Variants in SLC35F4 observed in about 807,000 individuals in gnomAD.
SLC35F4 encodes solute carrier family 35 member F4.
A neutral mutation model predicts 44.2 loss-of-function variants in SLC35F4; 24 were observed. The ratio of observed to expected loss-of-function variants is 0.54; its 90% CI spans 0.39 to 0.76. The LOEUF (loss-of-function observed/expected upper bound fraction) is 0.76. Among genes scored for constraint, SLC35F4 ranks in the 30% least tolerant of loss-of-function variants. SLC35F4 has a pLI of 0.00. For synonymous variants in SLC35F4, 238 were observed against 223.6 expected, an observed-to-expected ratio of 1.06 and a Z score of -0.57; for missense variants, 562 against 586.1, an observed-to-expected ratio of 0.96 and a Z score of 0.42.
intron 1 of SLC35F4, among the ~76,000 whole-genome samples, chr14:57,711,132 G>A (rs1171612797): frequency 6.6e-6 from 1 of 152,054 alleles, no homozygotes; most frequent in Admixed American, 6.5e-5. Flanking sequence ...TGGATCATGG[G>A]GTGGTTTCCC....
intron 1 of SLC35F4, among the ~76,000 whole-genome samples, chr14:57,937,064 C>CTTGCTT (rs1555329412): frequency 8.3e-5 from 12 of 144,214 alleles, no homozygotes; most frequent in Non-Finnish European, 1.7e-4. Flanking sequence ...ATTTTACCTG[C>CTTGCTT]TTTTTTTTTT....
At chr14:57,870,761 T>C (rs1333777928), upstream of SLC35F4, among the ~76,000 whole-genome samples, 1 of 152,218 alleles carries the variant, frequency 6.6e-6, no homozygotes, top group East Asian at 1.9e-4. Context: ...CTGTCCATTG[T>C]TTTTTACTGA....
chr14:57,975,611 A>G (rs1881192770), downstream of SLC35F4, among the ~76,000 whole-genome samples: 1 of 152,198 alleles, frequency 6.6e-6, no homozygotes, highest in Non-Finnish European at 1.5e-5. Context: ...AAAAATGGAA[A>G]TGTAGAATGG....
At chr14:57,733,196 C>CGAG (rs2076382979) in intron 1 of SLC35F4, among the ~76,000 whole-genome samples, 1 of 152,030 alleles carries the variant, frequency 6.6e-6, no homozygotes, top group African/African-American at 2.4e-5. Flanking sequence ...CACTAGCTCT[C>CGAG]CGGCCTACTG....
intron 1 of SLC35F4, among the ~76,000 whole-genome samples, chr14:57,862,218 C>G (rs73293107): frequency 6.6e-6 from 1 of 151,958 alleles, no homozygotes; most frequent in Non-Finnish European, 1.5e-5. Flanking sequence ...ATCAGGGTAC[C>G]CTATTGGCTC....
At chr14:57,925,606 C>T (rs1889555029) in intron 1 of SLC35F4, among the ~76,000 whole-genome samples, 1 of 146,370 alleles carries the variant, frequency 6.8e-6, no homozygotes, top group South Asian at 2.2e-4. Context: ...TAGAGAAACA[C>T]TTAAGTAGAA....
In SLC35F4 at chr14:57,589,306, G is replaced by A. The variant is rs1594964924; in HGVS notation, c.497C>T (p.Ser166Leu). ...FYCPFFMTWF[S>L]TNWNIMFFPV... ...GAAAAACATAATGTTCCAGTTTGTT[G>A]AAAACCAAGTCATGAAAAATGGGCA... The change falls in exon 3 of 8, where the codon TCA becomes TTA. Residue 166 changes from serine (S) to leucine (L), a missense_variant. Transcript: ENST00000556826. 1.2e-6 allele frequency: 2 copies of A among 1,613,954 alleles called. No homozygotes were observed. The highest frequency in any genetic ancestry group is 1.7e-6 in the Non-Finnish European group (2 of 1,179,870).
intron 1 of SLC35F4, among the ~76,000 whole-genome samples, chr14:57,916,163 G>A (rs1293692577): frequency 6.6e-6 from 1 of 152,102 alleles, no homozygotes; most frequent in Non-Finnish European, 1.5e-5. Flanking sequence ...GGGGAAGCAG[G>A]GATGAAAGAC....
At chr14:57,632,823 C>T (rs1214327753) in intron 1 of SLC35F4, among the ~76,000 whole-genome samples, 1 of 152,000 alleles carries the variant, frequency 6.6e-6, no homozygotes, top group African/African-American at 2.4e-5. Flanking sequence ...ATGTATCCAC[C>T]ATTGGAGTAT....
chr14:57,929,101 C>T (rs1166089432), intron 1 of SLC35F4, among the ~76,000 whole-genome samples: 2 of 152,128 alleles, frequency 1.3e-5, no homozygotes, highest in Admixed American at 1.3e-4. Context: ...AGATTGTGAA[C>T]CCCTGCAAGG....
chr14:57,848,874 C>T (rs1886271993), intron 1 of SLC35F4, among the ~76,000 whole-genome samples: 1 of 152,150 alleles, frequency 6.6e-6, no homozygotes, highest in Non-Finnish European at 1.5e-5. Context: ...ACCTTGGTTA[C>T]TTCATATTGT....
In SLC35F4 at chr14:57,578,325, G is replaced by GTTTTTTTTTTTTT. The variant is rs199785589; in HGVS notation, c.807+2876_807+2888dup. 1.5e-3 allele frequency among the ~76,000 whole-genome samples: 64 copies of GTTTTTTTTTTTTT among 43,166 alleles called. 21 individuals are homozygous for GTTTTTTTTTTTTT. Among genetic ancestry groups the GTTTTTTTTTTTTT allele is most frequent in the Non-Finnish European group, 2.3e-3 (49 of 21,764 alleles). The allele number at this position is 43,166 out of a possible 152,430, so 28.3% of individuals were successfully genotyped here. ...GATGACTGAAAGCATCCCTTTAACTGTTTTTTTTTTTTTTTTTTTTTTTTT... is the reference window on the plus strand; with the variant it reads ...GATGACTGAAAGCATCCCTTTAACTGTTTTTTTTTTTTTTTTTTTTTTTTTTTTTTTTTTTTTT... On this transcript the variant is annotated intron_variant, in intron 4 of 7. Transcript: ENST00000556826.
chr14:57,963,263 G>A (rs1360930171), intron 1 of SLC35F4, among the ~76,000 whole-genome samples: 5 of 152,194 alleles, frequency 3.3e-5, no homozygotes, highest in East Asian at 1.9e-4. Flanking sequence ...GCCTCCAGCA[G>A]GTCAGGTGCT....
rs550071290 is a variant in SLC35F4 at position 57,904,609 on chromosome 14, T to C, written n.282+77304A>G. Among the ~76,000 whole-genome samples the C allele has an allele frequency of 3.9e-5, 6 of 152,302 alleles. No individual in the cohort carries two copies. In the East Asian group the frequency reaches 1.2e-3, roughly 29 times the overall value. On this transcript the variant is annotated intron_variant and non_coding_transcript_variant, in intron 1 of 1. Coordinates refer to the SLC35F4 transcript ENST00000556568. ...GTGGGCTTTGGATCTCTTTGCCTTT[T>C]TGTAGGTTGACACTATTAGGATTTT...
chr14:57,900,216 A>G (rs2783232), intron 1 of SLC35F4, among the ~76,000 whole-genome samples: 30,268 of 152,126 alleles, frequency 0.2, 3,248 homozygotes, highest in South Asian at 0.24. Context: ...GGGACCCAGG[A>G]AGTCCAGCTG....
intron 1 of SLC35F4, among the ~76,000 whole-genome samples, chr14:57,875,786 G>C (rs981093052): frequency 5.3e-5 from 8 of 152,188 alleles, no homozygotes. Context: ...GTGGAGAAAT[G>C]GATTCTGCCT....
At chr14:57,910,249 T>C (rs1407691484) in intron 1 of SLC35F4, among the ~76,000 whole-genome samples, 6 of 152,090 alleles carry the variant, frequency 3.9e-5, no homozygotes, top group Non-Finnish European at 7.4e-5. Flanking sequence ...GAATTTGGCT[T>C]GTCTTCTCAT....
At chr14:57,591,138 G>C (rs934199342) in intron 2 of SLC35F4, among the ~76,000 whole-genome samples, 1 of 152,206 alleles carries the variant, frequency 6.6e-6, no homozygotes. Flanking sequence ...ATCTTATGGA[G>C]ACTCTACCAG....
At chr14:57,585,048 G>C (rs1391951669) in intron 3 of SLC35F4, among the ~76,000 whole-genome samples, 1 of 152,080 alleles carries the variant, frequency 6.6e-6, no homozygotes, top group Non-Finnish European at 1.5e-5. Flanking sequence ...ATAGTCATAG[G>C]GCTCTCCCCC....
Sources: allele counts gnomAD v4.1 joint callset (sites outside exome capture counted in the v4.1 genomes callset), GRCh38; gene constraint gnomAD v4.1.1; transcripts MANE v1.5; gene names NCBI Gene and HGNC (gene_info 2026-07-23, HGNC 2026-07-21).